GDI2: variants seen among roughly 807,000 people sequenced by gnomAD.
The protein encoded by GDI2 is GDP dissociation inhibitor 2.
In GDI2, 22 loss-of-function variants were observed where a neutral mutation model predicts 54.2. The observed-to-expected ratio is 0.41, with a 90% CI of 0.29 to 0.58. The LOEUF is 0.58. Ranked by LOEUF, GDI2 falls within the 20% of genes least tolerant of loss-of-function variation. The probability of loss-of-function intolerance (pLI) is 0.35; values close to 1 mark genes in which losing one functional copy is unlikely to be tolerated. For synonymous variants in GDI2, 177 were observed against 182.1 expected (o/e 0.97, Z 0.23); for missense variants, 422 against 546.0 (o/e 0.77, Z 2.26).
chr10:5,785,378 GTTTTT>G, intron 5 of GDI2, 105 bp from the exon 6 acceptor site: 2 of 845,298 alleles, frequency 2.4e-6, no homozygotes. Flanking sequence ...CTTCTTTTTT[GTTTTT>G]TTGTTTTTTG....
intron 4 of GDI2, among the ~76,000 whole-genome samples, chr10:5,791,244 G>A (rs1019683729): frequency 2.6e-5 from 4 of 152,078 alleles, no homozygotes; most frequent in Admixed American, 6.5e-5. Flanking sequence ...ACATTGAGCC[G>A]TGATCATGCC....
chr10:5,813,425 G>A lies in GDI2; in HGVS notation c.-167C>T, dbSNP rs374187605. ...GACCGACCGCCACCTCAGACGGGAA[G>A]AGAAGAACTGGGCGGGGAGAGGAGG... On this transcript the variant is annotated 5_prime_UTR_variant, in exon 1 of 11. Transcript: ENST00000380191. 3 of 373,268 alleles carry A rather than the reference G, an allele frequency of 8.0e-6. No individual in the cohort carries two copies. Among genetic ancestry groups the A allele is most frequent in the East Asian group, 7.3e-5 (1 of 13,710 alleles). 23.1% of individuals were successfully genotyped at this position (373,268 alleles called of 1,614,324 possible). A position where few individuals can be genotyped will look rare whatever the true frequency, so the allele number is the denominator to read the frequency against.
chr10:5,787,308 C>G (rs1383352319), intron 4 of GDI2, among the ~76,000 whole-genome samples: 1 of 152,146 alleles, frequency 6.6e-6, no homozygotes, highest in Non-Finnish European at 1.5e-5. Context: ...AGTTCAAGAC[C>G]AGCCTGACCA....
intron 1 of GDI2, among the ~76,000 whole-genome samples, chr10:5,805,870 T>G (rs750815348): frequency 2.0e-5 from 3 of 152,236 alleles, no homozygotes; most frequent in African/African-American, 7.2e-5. Flanking sequence ...GTGTTGCAGA[T>G]GCAGCTGATC....
At chr10:5,792,550 A>G (rs2131705670) in intron 4 of GDI2, among the ~76,000 whole-genome samples, 1 of 152,308 alleles carries the variant, frequency 6.6e-6, no homozygotes, top group South Asian at 2.1e-4. Flanking sequence ...TTCCATTAAT[A>G]TAAGGAGATG....
intron 7 of GDI2, among the ~76,000 whole-genome samples, chr10:5,772,976 G>A (rs1038490018): frequency 6.6e-6 from 1 of 151,990 alleles, no homozygotes; most frequent in Non-Finnish European, 1.5e-5. Flanking sequence ...CATAATACCC[G>A]CCTCTTAGGA....
At chr10:5,797,404 G>A (rs1841169036) in intron 2 of GDI2, among the ~76,000 whole-genome samples, 1 of 151,998 alleles carries the variant, frequency 6.6e-6, no homozygotes, top group South Asian at 2.1e-4. Context: ...AATTAGCCAG[G>A]TATGGTGGCA....
In GDI2 at chr10:5,768,355, G is replaced by A; in HGVS notation, c.849C>T (p.Asp283=). The change falls in exon 8 of 11, where the codon GAC becomes GAT. Residue 283 remains aspartate, a synonymous_variant. Transcript: ENST00000380191. The surrounding 1 kb of genome is among the most constrained non-coding windows in gnomAD (Gnocchi z 4.4). The part of the protein sequence containing the change: ...EIARCKQLIC[D]PSYVKDRVEK... ...CTACCCGATCTTTTACGTAGCTGGG[G>A]TCACAGATGAGCTGCTTACAGCGAG... 1 of 1,613,338 alleles carries A rather than the reference G, an allele frequency of 6.2e-7. No individual in the cohort carries two copies. Among genetic ancestry groups the A allele is most frequent in the Non-Finnish European group, 8.5e-7 (1 of 1,179,264 alleles).
chr10:5,786,103 G>A, intron 4 of GDI2, 53 bp from the exon 5 acceptor site: 2 of 1,182,964 alleles, frequency 1.7e-6, no homozygotes, highest in Non-Finnish European at 2.5e-6. Context: ...ACATTGAGGA[G>A]AACGAAGTAT....
At chr10:5,782,236 A>AT (rs1491350007) in intron 6 of GDI2, among the ~76,000 whole-genome samples, 1 of 152,238 alleles carries the variant, frequency 6.6e-6, no homozygotes, top group Admixed American at 6.5e-5. Context: ...GGTGAGCAAC[A>AT]TGAGTCAAGA....
In GDI2 at chr10:5,776,543, C is replaced by CA; in HGVS notation, c.720-2603dup. On this transcript the variant is annotated intron_variant, in intron 6 of 10. Coordinates refer to ENST00000380191, the MANE Select transcript of GDI2 (RefSeq NM_001494.4). This position sits in a 1 kb window ranked among gnomAD's most constrained non-coding sequence, Gnocchi z 5.3. ...TTATAGAGAAGCAGATTTGAAGAGG[C>CA]ATGTGGAATTCCTTGTGGCTGAGAA... 6.4e-7 allele frequency: 1 copy of CA among 1,552,118 alleles called. No homozygotes were observed. The highest frequency in any genetic ancestry group is 8.9e-7 in the Non-Finnish European group (1 of 1,127,334).
intron 7 of GDI2, among the ~76,000 whole-genome samples, chr10:5,771,427 G>C (rs1840485979): frequency 6.6e-6 from 1 of 152,166 alleles, no homozygotes; most frequent in Non-Finnish European, 1.5e-5. Context: ...ACGAAATTAT[G>C]CACAGACCCT....
intron 1 of GDI2, 147 bp downstream of exon 1, chr10:5,813,067 C>A: frequency 1.9e-6 from 1 of 515,084 alleles, no homozygotes; most frequent in Non-Finnish European, 3.4e-6. Context: ...TGAACCCGCC[C>A]GCGCCCCTAG....
At chr10:5,812,083 T>C (rs1269293116) in intron 1 of GDI2, 1 of 218,164 alleles carries the variant, frequency 4.6e-6, no homozygotes, top group Non-Finnish European at 9.9e-6. Context: ...ATACACAAGA[T>C]TTACATCAGT....
rs1263699963 is a variant in GDI2 at position 5,794,937 on chromosome 10, C to T, written c.336G>A (p.Lys112=). The change falls in exon 4 of 11, where the codon AAG becomes AAA. Residue 112 remains lysine (K), a synonymous_variant. Transcript: ENST00000380191. The part of the protein sequence containing the change: ...FKVTEGSFVY[K]GGKIYKVPST... ...AAGGAACCTTGTAGATTTTTCCACC[C>T]TTATAGACAAAGCTCCCTTCAGTCA... The T allele has an allele frequency of 4.4e-6, 7 of 1,603,966 alleles. No homozygotes were observed. The highest frequency in any genetic ancestry group is 1.3e-5 in the African/African-American group (1 of 74,706).
chr10:5,781,659 A>G (rs1840760240), intron 6 of GDI2, among the ~76,000 whole-genome samples: 1 of 150,262 alleles, frequency 6.7e-6, no homozygotes, highest in African/African-American at 2.4e-5. Context: ...CTAAAATAGG[A>G]CCCAAAAAGC....
chr10:5,791,750 GA>G (rs35475458), intron 4 of GDI2, among the ~76,000 whole-genome samples: 78,788 of 137,256 alleles, frequency 0.57, 22,006 homozygotes, highest in Middle Eastern at 0.7. Context: ...CAAAAAAAAA[GA>G]AAAAAAAAAA....
intron 1 of GDI2, among the ~76,000 whole-genome samples, chr10:5,812,325 G>C (rs144296399): frequency 2.0e-4 from 30 of 152,078 alleles, no homozygotes; most frequent in African/African-American, 6.8e-4. Flanking sequence ...CATGATATTA[G>C]GTACACCTTG....
intron 1 of GDI2, among the ~76,000 whole-genome samples, chr10:5,812,645 G>A (rs1370752003): frequency 1.3e-5 from 2 of 152,214 alleles, no homozygotes; most frequent in African/African-American, 4.8e-5. Flanking sequence ...GGGGGAGAAA[G>A]GATTAAAAGA....
Sources: allele counts gnomAD v4.1 joint callset (sites outside exome capture counted in the v4.1 genomes callset), GRCh38; gene constraint gnomAD v4.1.1; non-coding constraint Gnocchi (gnomAD v3.1); transcripts MANE v1.5; gene names NCBI Gene and HGNC (gene_info 2026-07-23, HGNC 2026-07-21).